Variants in RBFOX2 observed in about 807,000 individuals in gnomAD.
The protein encoded by RBFOX2 is RNA binding protein fox-1 homolog 2.
In RBFOX2, 10 loss-of-function variants were observed where a neutral mutation model predicts 49.1. The observed-to-expected ratio is 0.20, with a 90% CI of 0.13 to 0.35. The LOEUF (loss-of-function observed/expected upper bound fraction) is 0.35, where lower values mean the gene tolerates loss of function less well. Among genes scored for constraint, RBFOX2 ranks in the 10% least tolerant of loss-of-function variants. RBFOX2 has a pLI of 1.00. For synonymous variants in RBFOX2, 183 were observed against 187.4 expected, an observed-to-expected ratio of 0.98 and a Z score of 0.19; for missense variants, 323 against 486.9, an observed-to-expected ratio of 0.66 and a Z score of 3.17.
At position 35,760,094 on chromosome 22, in the gene RBFOX2, T is replaced by C. The variant is rs369142391; in HGVS notation, c.755-74A>G. 4.0e-5 allele frequency: 63 copies of C among 1,565,254 alleles called. No homozygotes were observed. In the East Asian group the frequency reaches 6.1e-4, roughly 15 times the overall value. Reference sequence around the variant, plus strand: ...GAAGGTGCACAGTCACAACTTGCTATGAACCAATTATAGAAAAGATGGAAA... The same window carrying C: ...GAAGGTGCACAGTCACAACTTGCTACGAACCAATTATAGAAAAGATGGAAA... On this transcript the variant is annotated intron_variant, in intron 8 of 11. Coordinates refer to ENST00000405409, the Ensembl canonical transcript of RBFOX2.
At chr22:35,903,998 T>G (rs1203501389) in intron 1 of RBFOX2, among the ~76,000 whole-genome samples, 7 of 152,204 alleles carry the variant, frequency 4.6e-5, no homozygotes, top group Non-Finnish European at 1.0e-4. Flanking sequence ...ACCTGCTATG[T>G]GCCCACTTCT....
At chr22:35,880,601 T>G (rs549471349) in intron 1 of RBFOX2, among the ~76,000 whole-genome samples, 1 of 152,330 alleles carries the variant, frequency 6.6e-6, no homozygotes, top group African/African-American at 2.4e-5. Flanking sequence ...GAATTTATAC[T>G]TTATGATTTT....
At chr22:35,794,088 A>T (rs1321284939) in intron 2 of RBFOX2, among the ~76,000 whole-genome samples, 4 of 152,150 alleles carry the variant, frequency 2.6e-5, no homozygotes, top group Non-Finnish European at 5.9e-5. Flanking sequence ...TTTATACCTG[A>T]GTGATTATTT....
intron 1 of RBFOX2, among the ~76,000 whole-genome samples, chr22:35,816,896 T>C (rs1953199100): frequency 6.6e-6 from 1 of 152,210 alleles, no homozygotes; most frequent in South Asian, 2.1e-4. Flanking sequence ...TCTTTTACCT[T>C]GTTCTTTGAA....
rs1569518827 is a variant in RBFOX2 at position 35,985,905 on chromosome 22, T to TGG, written c.186+42334_186+42335insCC. On this transcript the variant is annotated intron_variant, in intron 1 of 13. Transcript: ENST00000438146. ...CTAGATAGATAGATAGATAGATGGA[T>TGG]AGATAGATAGATAGATAGATAGATA... is the stretch of plus-strand genomic sequence containing the variant. 8.9e-4 allele frequency among the ~76,000 whole-genome samples: 4 copies of TGG among 4,486 alleles called. No individual in the cohort carries two copies. The East Asian group carries it at 0.011, about 12-fold the overall frequency. 2.9% of individuals were successfully genotyped at this position (4,486 alleles called of 152,430 possible). A position where few individuals can be genotyped will look rare whatever the true frequency, so the allele number is the denominator to read the frequency against.
At chr22:35,751,683 C>T (rs577869707) in intron 9 of RBFOX2, among the ~76,000 whole-genome samples, 4 of 152,138 alleles carry the variant, frequency 2.6e-5, no homozygotes, top group South Asian at 2.1e-4. Flanking sequence ...ATGGTGATAC[C>T]GTCACTGCTT....
intron 1 of RBFOX2, among the ~76,000 whole-genome samples, chr22:36,011,995 C>T (rs548222171): frequency 6.8e-4 from 104 of 152,228 alleles, no homozygotes; most frequent in African/African-American, 2.5e-3. Flanking sequence ...ATGCCTTCAG[C>T]TCTGATGATT....
chr22:35,991,764 A>C (rs983897847), intron 1 of RBFOX2, among the ~76,000 whole-genome samples: 1 of 152,200 alleles, frequency 6.6e-6, no homozygotes, highest in Non-Finnish European at 1.5e-5. Context: ...GGACCGACTC[A>C]GGCTGACAAG....
At chr22:35,989,520 G>A (rs769106561) in intron 1 of RBFOX2, among the ~76,000 whole-genome samples, 6 of 152,148 alleles carry the variant, frequency 3.9e-5, no homozygotes, top group Non-Finnish European at 8.8e-5. Flanking sequence ...GAACTGCAAT[G>A]GGCTCAAAGG....
At chr22:35,885,846 T>A (rs13058403) in intron 1 of RBFOX2, among the ~76,000 whole-genome samples, 2 of 110,734 alleles carry the variant, frequency 1.8e-5, no homozygotes, top group Admixed American at 1.7e-4. Context: ...AAACCTAATT[T>A]TTTTTTTTTT....
In RBFOX2 at chr22:35,777,354, A is replaced by G. The variant is rs1215537255; in HGVS notation, c.453+671T>C. ...TTTAATTAAAAATTTCAGTTCTTATATAGAACACATTTAGAGGAAAATACA... is the reference window on the plus strand; with the variant it reads ...TTTAATTAAAAATTTCAGTTCTTATGTAGAACACATTTAGAGGAAAATACA... On this transcript the variant is annotated intron_variant, in intron 4 of 11. Transcript: ENST00000405409. Among the ~76,000 whole-genome samples, 4 of 152,218 alleles carry G rather than the reference A, an allele frequency of 2.6e-5. No homozygotes were observed. The East Asian group carries it at 7.7e-4, about 29-fold the overall frequency.
intron 2 of RBFOX2, among the ~76,000 whole-genome samples, chr22:35,784,765 T>C (rs929277293): frequency 3.3e-5 from 5 of 152,180 alleles, no homozygotes; most frequent in African/African-American, 1.2e-4. Flanking sequence ...TGGTGGCCCA[T>C]GGGCTTTTGC....
intron 1 of RBFOX2, among the ~76,000 whole-genome samples, chr22:35,944,823 C>T (rs948100010): frequency 2.0e-5 from 3 of 152,070 alleles, no homozygotes; most frequent in Non-Finnish European, 4.4e-5. Context: ...CGGCTGTAAT[C>T]CCGGCACTTT....
At chr22:35,978,686 T>G (rs1390824324) in intron 1 of RBFOX2, among the ~76,000 whole-genome samples, 3 of 152,174 alleles carry the variant, frequency 2.0e-5, no homozygotes, top group Non-Finnish European at 2.9e-5. Flanking sequence ...TCAAGCTCCC[T>G]CAAGCTTGAG....
chr22:35,992,618 G>C (rs2058029776), intron 1 of RBFOX2: 1 of 152,106 alleles, frequency 6.6e-6, no homozygotes, highest in African/African-American at 2.4e-5. Context: ...TTCCCATTAT[G>C]ATACCTAGTT....
chr22:36,015,372 A>T (rs531314251), intron 1 of RBFOX2, among the ~76,000 whole-genome samples: 5 of 152,360 alleles, frequency 3.3e-5, no homozygotes, highest in African/African-American at 1.2e-4. Flanking sequence ...GACCAGGGTC[A>T]GACTTTCAGG....
chr22:35,761,541 G>A (rs1938873075), intron 6 of RBFOX2, 73 bp from the exon 8 acceptor site: 2 of 1,531,938 alleles, frequency 1.3e-6, no homozygotes, highest in Non-Finnish European at 1.8e-6. Context: ...ATGTCAAGTT[G>A]GCTTCAGCCA....
At chr22:35,755,908 G>C (rs1936748588) in intron 9 of RBFOX2, among the ~76,000 whole-genome samples, 197 bp downstream of exon 11, 1 of 151,642 alleles carries the variant, frequency 6.6e-6, no homozygotes, top group Non-Finnish European at 1.5e-5. Flanking sequence ...TTTGCACCCA[G>C]GGGCAAGCGC....
intron 1 of RBFOX2, among the ~76,000 whole-genome samples, chr22:35,863,607 A>G (rs922271914): frequency 6.6e-6 from 1 of 152,126 alleles, no homozygotes; most frequent in Non-Finnish European, 1.5e-5. Context: ...CAGGGCTCTA[A>G]GAGCAGCAAT....
Sources: allele counts gnomAD v4.1 joint callset (sites outside exome capture counted in the v4.1 genomes callset), GRCh38; gene constraint gnomAD v4.1.1; transcripts MANE v1.5; gene names NCBI Gene and HGNC (gene_info 2026-07-23, HGNC 2026-07-21).